DPP6: variants seen among roughly 807,000 people sequenced by gnomAD.
The protein encoded by DPP6 is A-type potassium channel modulatory protein DPP6.
Under a neutral mutation model 122.6 loss-of-function variants are expected in DPP6, and 69 were observed. The ratio of observed to expected loss-of-function variants is 0.56; its 90% CI spans 0.46 to 0.69. The LOEUF is 0.69. DPP6 is among the 30% of genes least tolerant of loss of function. The pLI, the probability that DPP6 is intolerant of heterozygous loss-of-function variation, is 0.00. For missense variants in DPP6, 928 were observed against 1,116.9 expected (o/e 0.83, Z 2.41); for synonymous variants, 418 against 433.1 (o/e 0.97, Z 0.43).
intron 1 of DPP6, among the ~76,000 whole-genome samples, chr7:153,974,420 C>T (rs1001383302): frequency 8.6e-5 from 13 of 152,028 alleles, no homozygotes; most frequent in Non-Finnish European, 1.6e-4. Flanking sequence ...TATTTGTGAC[C>T]CCAAAAAAGA....
chr7:153,966,850 T>C (rs1795768130), intron 1 of DPP6, among the ~76,000 whole-genome samples: 1 of 151,200 alleles, frequency 6.6e-6, no homozygotes, highest in African/African-American at 2.4e-5. Context: ...GCAGATCACT[T>C]GAGCTCGCAA....
intron 1 of DPP6, among the ~76,000 whole-genome samples, chr7:153,907,418 G>T (rs1192320799): frequency 1.3e-5 from 2 of 152,222 alleles, no homozygotes; most frequent in Non-Finnish European, 2.9e-5. Flanking sequence ...GATCACGAGA[G>T]ATTAGAAGTT....
intron 16 of DPP6, among the ~76,000 whole-genome samples, chr7:154,841,346 G>GC (rs1801526206): frequency 7.1e-6 from 1 of 140,758 alleles, no homozygotes; most frequent in Non-Finnish European, 1.5e-5. Flanking sequence ...TGTAGCCTTT[G>GC]CCCCCCTGTA....
At chr7:154,325,591 C>T (rs1808378292) in intron 1 of DPP6, among the ~76,000 whole-genome samples, 1 of 152,098 alleles carries the variant, frequency 6.6e-6, no homozygotes, top group African/African-American at 2.4e-5. Context: ...AATTTCATTC[C>T]CTAAGAAATA....
upstream of DPP6, among the ~76,000 whole-genome samples, chr7:154,051,997 G>A (rs1164132612): frequency 6.6e-6 from 1 of 151,902 alleles, no homozygotes; most frequent in African/African-American, 2.4e-5. Flanking sequence ...GGAGCCCGGC[G>A]CCGCAGCGCG....
At chr7:154,493,521 T>A (rs1563756694) in intron 3 of DPP6, among the ~76,000 whole-genome samples, 1 of 152,184 alleles carries the variant, frequency 6.6e-6, no homozygotes, top group African/African-American at 2.4e-5. Flanking sequence ...TATTTGGATT[T>A]CTTTTGTTCT....
intron 10 of DPP6, among the ~76,000 whole-genome samples, chr7:154,780,778 T>G (rs1373634410): frequency 6.6e-6 from 1 of 152,210 alleles, no homozygotes; most frequent in Non-Finnish European, 1.5e-5. Flanking sequence ...TGTGTTAACA[T>G]GCATTGAGGC....
At chr7:154,837,437 C>A (rs555605853) in intron 16 of DPP6, among the ~76,000 whole-genome samples, 1 of 152,344 alleles carries the variant, frequency 6.6e-6, no homozygotes, top group South Asian at 2.1e-4. Context: ...GACACATTCA[C>A]GTGCATGCAC....
rs141850746 is a variant in DPP6, at chr7:154,252,213, CGTGTGTGT to C, written c.244-193985_244-193978del. ...TGAAAATCATGGCCTCACAATGTCA[CGTGTGTGT>C]GTGTGTGTGTGTGTGCGCGCATGCG... On this transcript the variant is annotated intron_variant, in intron 1 of 25. Coordinates refer to ENST00000377770, the MANE Select transcript of DPP6 (RefSeq NM_130797.4). Among the ~76,000 whole-genome samples the C allele has an allele frequency of 9.4e-3, 1,413 of 150,572 alleles. 20 individuals are homozygous for C. Among genetic ancestry groups the C allele is most frequent in the African/African-American group, 0.032 (1,320 of 41,154 alleles).
At chr7:154,225,720 A>C (rs1800557025) in intron 1 of DPP6, among the ~76,000 whole-genome samples, 1 of 152,028 alleles carries the variant, frequency 6.6e-6, no homozygotes, top group South Asian at 2.1e-4. Context: ...CCTGATATTT[A>C]AAGAACAGAG....
intron 3 of DPP6, among the ~76,000 whole-genome samples, chr7:154,503,846 G>T (rs28485840): frequency 0.25 from 37,673 of 152,038 alleles, 4,826 homozygotes; most frequent in Middle Eastern, 0.27. Flanking sequence ...GCTAATGGTT[G>T]CTGGGCTTAA....
intron 1 of DPP6, among the ~76,000 whole-genome samples, chr7:154,333,370 A>G (rs1232289360): frequency 1.3e-5 from 2 of 152,182 alleles, no homozygotes; most frequent in African/African-American, 2.4e-5. Context: ...CCAATTTTAG[A>G]AGCTCTAGAC....
At chr7:154,167,577 C>T (rs1797317177) in intron 1 of DPP6, among the ~76,000 whole-genome samples, 1 of 152,228 alleles carries the variant, frequency 6.6e-6, no homozygotes, top group South Asian at 2.1e-4. Context: ...TTACAGCTCT[C>T]TTACTTGGTT....
At chr7:154,463,255 T>C (rs1288549771) in intron 2 of DPP6, among the ~76,000 whole-genome samples, 1 of 139,174 alleles carries the variant, frequency 7.2e-6, no homozygotes, top group Non-Finnish European at 1.5e-5. Flanking sequence ...TCGCCCAGGC[T>C]GGAGTGCAGT....
At chr7:153,953,804 A>C (rs1393914532) in intron 1 of DPP6, among the ~76,000 whole-genome samples, 1 of 152,200 alleles carries the variant, frequency 6.6e-6, no homozygotes, top group Non-Finnish European at 1.5e-5. Flanking sequence ...AGGATAGATG[A>C]GTGCATGTGC....
chr7:154,795,930 A>AC, intron 12 of DPP6, 47 bp downstream of exon 12: 14 of 1,582,730 alleles, frequency 8.8e-6, no homozygotes, highest in Non-Finnish European at 1.2e-5. Context: ...CACCTGATCC[A>AC]CCCCAGGGCT....
chr7:154,891,970 G>A (rs1287549971), intron 25 of DPP6, among the ~76,000 whole-genome samples: 2 of 152,240 alleles, frequency 1.3e-5, no homozygotes, highest in South Asian at 4.1e-4. Context: ...AAGCAGATCC[G>A]GACTGTAGAG....
chr7:154,884,570 T>A (rs1563325665), intron 21 of DPP6: 2 of 148,128 alleles, frequency 1.4e-5, no homozygotes, highest in African/African-American at 5.1e-5. Context: ...CACCCATACA[T>A]ACACACGATT....
intron 1 of DPP6, among the ~76,000 whole-genome samples, chr7:153,951,632 G>A (rs759462176): frequency 2.6e-5 from 4 of 152,194 alleles, no homozygotes; most frequent in African/African-American, 7.2e-5. Context: ...ATTTACAGGC[G>A]TGGTGAGATT....
Sources: allele counts gnomAD v4.1 joint callset (sites outside exome capture counted in the v4.1 genomes callset), GRCh38; gene constraint gnomAD v4.1.1; transcripts MANE v1.5; gene names NCBI Gene and HGNC (gene_info 2026-07-23, HGNC 2026-07-21).